POR: variants seen among roughly 807,000 people sequenced by gnomAD.
The protein encoded by POR is cytochrome p450 oxidoreductase, also known as NADPH--cytochrome P450 reductase.
In POR, 56 loss-of-function variants were observed where a neutral mutation model predicts 84.0. The ratio of observed to expected loss-of-function variants is 0.67; its 90% CI spans 0.54 to 0.83. POR has a LOEUF of 0.83. Among genes scored for constraint, POR ranks in the 40% least tolerant of loss-of-function variants. The pLI is 0.00. For missense variants in POR, 938 were observed against 944.3 expected, an observed-to-expected ratio of 0.99 and a Z score of 0.09; for synonymous variants, 414 against 400.5, an observed-to-expected ratio of 1.03 and a Z score of -0.40.
In POR at chr7:75,918,449, A is replaced by G. The variant is rs112876085; in HGVS notation, c.-5+3270A>G. ...ACCTGCTTGCATAGGCCGCTGACCT[A>G]TACCAAGCCTTAGTTTCTTCATCAC... On this transcript the variant is annotated intron_variant, in intron 1 of 15. Coordinates refer to ENST00000461988, the MANE Select transcript of POR (RefSeq NM_000941.3). 3.9e-3 allele frequency among the ~76,000 whole-genome samples: 588 copies of G among 152,328 alleles called. 4 individuals carry two copies. The highest frequency in any genetic ancestry group is 0.011 in the African/African-American group (476 of 41,582).
intron 10 of POR, 83 bp from the exon 11 acceptor site, chr7:75,984,694 A>C: frequency 8.0e-7 from 1 of 1,252,104 alleles, no homozygotes; most frequent in East Asian, 2.3e-5. Context: ...GAGCTGGCCC[A>C]AGGTGTCACC....
At chr7:75,919,382 C>CGTGCGTGTGTGTGTGTGTGTGT (rs147421179) in intron 1 of POR, among the ~76,000 whole-genome samples, 5 of 146,432 alleles carry the variant, frequency 3.4e-5, no homozygotes, top group African/African-American at 1.3e-4. Context: ...TCTGTGCGTG[C>CGTGCGTGTGTGTGTGTGTGTGT]GTGTGTGTGT....
At chr7:75,962,700 C>T (rs1442211604) in intron 2 of POR, among the ~76,000 whole-genome samples, 2 of 152,222 alleles carry the variant, frequency 1.3e-5, no homozygotes, top group Non-Finnish European at 2.9e-5. Flanking sequence ...TAGAACATTT[C>T]ATCACTCCGA....
At position 75,975,814 on chromosome 7, in the gene POR, A is replaced by ATTTTTT. The variant is rs539245771; in HGVS notation, c.237+3365_237+3370dup. On this transcript the variant is annotated intron_variant, in intron 3 of 15. Transcript: ENST00000461988. The stretch of plus-strand genomic sequence containing the variant: ...TGTTGAGGAAAAAAAAGCTGTTCAG[A>ATTTTTT]TTTTTTTTTTTTTTTTTGGTAGAGA... Among the ~76,000 whole-genome samples, 170 of 82,178 alleles carry ATTTTTT rather than the reference A, an allele frequency of 2.1e-3. 24 individuals are homozygous for ATTTTTT. Among genetic ancestry groups the ATTTTTT allele is most frequent in the Middle Eastern group, 0.011 (1 of 88 alleles). The allele number at this position is 82,178 out of a possible 152,430, so 53.9% of individuals were successfully genotyped here.
At chr7:75,943,912 C>A (rs1398994476) in intron 1 of POR, 2 of 467,478 alleles carry the variant, frequency 4.3e-6, no homozygotes, top group East Asian at 5.8e-5. Context: ...ATACCTGCAA[C>A]ATCTTTTAAG....
intron 8 of POR, among the ~76,000 whole-genome samples, chr7:75,983,092 GC>G (rs1789156888): frequency 6.6e-6 from 1 of 152,202 alleles, no homozygotes; most frequent in South Asian, 2.1e-4. Context: ...TCTAATCCCA[GC>G]ACTCTGGGAG....
chr7:75,969,625 T>C (rs983433588), intron 2 of POR, among the ~76,000 whole-genome samples: 9 of 152,220 alleles, frequency 5.9e-5, no homozygotes, highest in African/African-American at 1.7e-4. Context: ...GGAACTTCCC[T>C]GGAAGCATCT....
rs41295411 is a variant in POR, at chr7:75,957,395, A to T, written c.188+3215A>T. Among the ~76,000 whole-genome samples the T allele has an allele frequency of 6.6e-3, 1,005 of 152,302 alleles. 8 individuals carry two copies. Among genetic ancestry groups the T allele is most frequent in the African/African-American group, 0.02 (838 of 41,574 alleles). On this transcript the variant is annotated intron_variant, in intron 2 of 15. Coordinates refer to ENST00000461988, the MANE Select transcript of POR (RefSeq NM_000941.3). ...CGGGGCATTGCTGGTGTGGAATAGT[A>T]CTTTTGATAAAAAAGCGTAGTAGTA...
intron 1 of POR, among the ~76,000 whole-genome samples, chr7:75,944,593 C>T (rs1488931394): frequency 1.3e-5 from 2 of 151,264 alleles, no homozygotes; most frequent in Non-Finnish European, 2.9e-5. Flanking sequence ...GCCCAGAATA[C>T]AATAAAAATC....
chr7:75,921,410 C>T (rs537220700), intron 1 of POR, among the ~76,000 whole-genome samples: 22 of 151,154 alleles, frequency 1.5e-4, no homozygotes, highest in African/African-American at 5.3e-4. Flanking sequence ...TATAGGTGCG[C>T]GGCACCGCGC....
intron 10 of POR, 127 bp from the exon 11 acceptor site, chr7:75,984,650 G>A: frequency 1.2e-6 from 1 of 834,292 alleles, no homozygotes; most frequent in Non-Finnish European, 2.0e-6. Context: ...CATAGGCCTT[G>A]TTTCCAGCAC....
intron 2 of POR, among the ~76,000 whole-genome samples, chr7:75,956,127 C>T (rs1311731607): frequency 6.6e-6 from 1 of 152,044 alleles, no homozygotes; most frequent in Non-Finnish European, 1.5e-5. Context: ...GGCGAAACCC[C>T]GTCTCTACCG....
chr7:75,955,971 C>T (rs1787669149), intron 2 of POR, among the ~76,000 whole-genome samples: 1 of 152,170 alleles, frequency 6.6e-6, no homozygotes, highest in Non-Finnish European at 1.5e-5. Flanking sequence ...AGTTCTTATA[C>T]CATGGACAGG....
At chr7:75,965,938 G>T (rs1401887279) in intron 2 of POR, among the ~76,000 whole-genome samples, 1 of 152,108 alleles carries the variant, frequency 6.6e-6, no homozygotes, top group Non-Finnish European at 1.5e-5. Context: ...TGCAGACAGG[G>T]TAAAGCCGGG....
chr7:75,982,727 C>T (rs1388835383), intron 8 of POR, among the ~76,000 whole-genome samples: 1 of 152,218 alleles, frequency 6.6e-6, no homozygotes, highest in Non-Finnish European at 1.5e-5. Flanking sequence ...GATTCCTGCC[C>T]GAGCCACCCA....
At chr7:75,946,658 A>G (rs1787186735) in intron 1 of POR, 1 of 152,412 alleles carries the variant, frequency 6.6e-6, no homozygotes, top group African/African-American at 2.4e-5. Context: ...GGTCCCAGCC[A>G]GCTGGTGTGG....
At chr7:75,924,189 A>G (rs1807007238) in intron 1 of POR, among the ~76,000 whole-genome samples, 1 of 152,148 alleles carries the variant, frequency 6.6e-6, no homozygotes, top group Non-Finnish European at 1.5e-5. Context: ...GGCTTGAAAT[A>G]TACATAGGAA....
chr7:75,965,099 G>A (rs944539008), intron 2 of POR, among the ~76,000 whole-genome samples: 9 of 152,192 alleles, frequency 5.9e-5, no homozygotes, highest in Non-Finnish European at 8.8e-5. Context: ...GTAGGATGGC[G>A]GTGTCTGGAG....
At chr7:75,977,789 T>TA (rs1210773551) in intron 3 of POR, among the ~76,000 whole-genome samples, 3 of 150,718 alleles carry the variant, frequency 2.0e-5, no homozygotes, top group Non-Finnish European at 3.0e-5. Flanking sequence ...CACACAAAAA[T>TA]AAAAAAAAGA....
Sources: allele counts gnomAD v4.1 joint callset (sites outside exome capture counted in the v4.1 genomes callset), GRCh38; gene constraint gnomAD v4.1.1; transcripts MANE v1.5; gene names NCBI Gene and HGNC (gene_info 2026-07-23, HGNC 2026-07-21).